The following POTEC variants were observed in gnomAD, a reference collection of about 807,000 sequenced individuals.
POTEC encodes POTE ankyrin domain family member C.
A neutral mutation model predicts 62.0 loss-of-function variants in POTEC; 35 were observed. The observed-to-expected ratio is 0.56, with a 90% CI of 0.43 to 0.75. POTEC has a LOEUF of 0.75. Among genes scored for constraint, POTEC ranks in the 30% least tolerant of loss-of-function variants. The pLI is 0.00. For synonymous variants in POTEC, 156 were observed against 221.5 expected (o/e 0.70, Z 2.62); for missense variants, 472 against 655.9 (o/e 0.72, Z 3.06).
Position 14,509,236 on chromosome 18 carries a change from T to C in POTEC, c.*2662A>G, listed in dbSNP as rs1262757178. ...GCCACGGGCCCCTGCTGACTGTGTG[T>C]GCTGTTGCACTGGAGGTAGTGCTGG... On this transcript the variant is annotated 3_prime_UTR_variant, in exon 11 of 11. Coordinates refer to ENST00000358970, the MANE Select transcript of POTEC (RefSeq NM_001137671.2). 6.6e-6 allele frequency: 1 copy of C among 152,314 alleles called. No homozygotes were observed. The highest frequency in any genetic ancestry group is 6.5e-5 in the Admixed American group (1 of 15,290). 9.4% of individuals were successfully genotyped at this position (152,314 alleles called of 1,614,324 possible).
chr18:14,542,740 C>T lies in POTEC; in HGVS notation c.407G>A (p.Arg136His), dbSNP rs780758487. The change falls in exon 1 of 11, where the codon CGT (arginine) becomes CAT (histidine). Residue 136 changes from arginine to histidine, a missense_variant. Arg to His is a conservative substitution (Grantham distance 29). This residue lies in a region of POTEC where 257 missense variants were observed against 250.7 expected (regional missense o/e 1.03). Transcript: ENST00000358970. ...GTGGAGCTTGTCCAGATCTTCTCGA[C>T]GGACGTGGTACCTCGGCTCCATGAA... ...SAFMEPRYHV[R>H]REDLDKLHRA... 21 of 1,613,424 alleles carry T rather than the reference C, an allele frequency of 1.3e-5. No homozygotes were observed. The Admixed American group carries it at 2.8e-4, about 22-fold the overall frequency.
At chr18:14,529,822 CTTG>C (rs1905440488) in intron 6 of POTEC, among the ~76,000 whole-genome samples, 1 of 151,970 alleles carries the variant, frequency 6.6e-6, no homozygotes, top group Non-Finnish European at 1.5e-5. Context: ...AGAGTGAGAC[CTTG>C]TTGGGACAAG....
At position 14,509,124 on chromosome 18, in the gene POTEC, G is replaced by T. The variant is rs942419699; in HGVS notation, c.*2774C>A. Reference sequence around the variant, plus strand: ...GCACTGAGGGGACCAAAGTGCAGCAGCTGTGGCAGAATGCTAGCAGATGCA... The same window carrying T: ...GCACTGAGGGGACCAAAGTGCAGCATCTGTGGCAGAATGCTAGCAGATGCA... On this transcript the variant is annotated 3_prime_UTR_variant, in exon 11 of 11. Coordinates refer to ENST00000358970, the MANE Select transcript of POTEC (RefSeq NM_001137671.2). The T allele has an allele frequency of 7.9e-5, 12 of 152,406 alleles. No individual in the cohort carries two copies. Among genetic ancestry groups the T allele is most frequent in the African/African-American group, 2.6e-4 (11 of 41,594 alleles). The allele number at this position is 152,406 out of a possible 1,614,324, so 9.4% of individuals were successfully genotyped here.
Position 14,530,530 on chromosome 18 carries a change from T to A in POTEC, c.1079A>T (p.Tyr360Phe). The change falls in exon 6 of 11, where the codon TAT becomes TTT. Residue 360 changes from tyrosine (Y) to phenylalanine (F), a missense_variant. By Grantham distance (22) the Tyr-to-Phe change is conservative. Coordinates refer to ENST00000358970, the MANE Select transcript of POTEC (RefSeq NM_001137671.2). ...HHVICELLSD[Y>F]KEKQMLKISS... ...GATTTTTAGCATCTGTTTTTCTTTA[T>A]AGTCAGAAAGTAATTCACAAATTCT... The A allele has an allele frequency of 6.3e-7, 1 of 1,594,714 alleles. No homozygotes were observed. The highest frequency in any genetic ancestry group is 1.3e-5 in the African/African-American group (1 of 74,442).
At chr18:14,540,500 T>C (rs972277757) in intron 1 of POTEC, among the ~76,000 whole-genome samples, 1 of 152,114 alleles carries the variant, frequency 6.6e-6, no homozygotes, top group African/African-American at 2.4e-5. Context: ...ACAAACTGAT[T>C]TTTTCTCACT....
chr18:14,537,221 A>AAAC (rs1567915586), intron 3 of POTEC, among the ~76,000 whole-genome samples: 24 of 137,484 alleles, frequency 1.7e-4, no homozygotes, highest in Admixed American at 6.8e-4. Flanking sequence ...AAAAAAAAAA[A>AAAC]AAAACAAAAA....
chr18:14,537,192 C>CACACACAT (rs1905749732), intron 3 of POTEC, among the ~76,000 whole-genome samples: 2 of 80,540 alleles, frequency 2.5e-5, no homozygotes, highest in Admixed American at 1.2e-4. Flanking sequence ...CACACACACA[C>CACACACAT]ACACACACAC....
At chr18:14,540,502 T>C (rs1328092622) in intron 1 of POTEC, among the ~76,000 whole-genome samples, 2 of 152,178 alleles carry the variant, frequency 1.3e-5, no homozygotes, top group Non-Finnish European at 2.9e-5. Context: ...AAACTGATTT[T>C]TTCTCACTTG....
intron 9 of POTEC, among the ~76,000 whole-genome samples, chr18:14,519,261 G>C (rs1396312029): frequency 6.6e-6 from 1 of 152,138 alleles, no homozygotes. Flanking sequence ...CTTTCAGGAA[G>C]GACATCAGTA....
At position 14,507,784 on chromosome 18, in the gene POTEC, T is replaced by A. The variant is rs1309890288; in HGVS notation, c.*4114A>T. On this transcript the variant is annotated 3_prime_UTR_variant, in exon 11 of 11. Transcript: ENST00000358970. ...GTAAGGTAGGTCTGGTGATAACGAATTCCCTCAGCATTTGCTTGTCTGAAA... is the reference window on the plus strand; with the variant it reads ...GTAAGGTAGGTCTGGTGATAACGAAATCCCTCAGCATTTGCTTGTCTGAAA... 1 of 152,206 alleles carries A rather than the reference T, an allele frequency of 6.6e-6. No homozygotes were observed. The highest frequency in any genetic ancestry group is 2.4e-5 in the African/African-American group (1 of 41,452). 9.4% of individuals were successfully genotyped at this position (152,206 alleles called of 1,614,324 possible). A position where few individuals can be genotyped will look rare whatever the true frequency, so the allele number is the denominator to read the frequency against.
intron 1 of POTEC, among the ~76,000 whole-genome samples, chr18:14,540,279 T>C (rs1905887862): frequency 1.3e-5 from 2 of 152,198 alleles, no homozygotes; most frequent in African/African-American, 4.8e-5. Context: ...AGAAATTATT[T>C]GTATCTATGC....
chr18:14,534,398 A>G (rs1905636752), intron 4 of POTEC, among the ~76,000 whole-genome samples: 1 of 152,132 alleles, frequency 6.6e-6, no homozygotes, highest in African/African-American at 2.4e-5. Flanking sequence ...GGGAATAGCA[A>G]TTAATTGTCA....
chr18:14,512,743 C>T (rs536006232), intron 10 of POTEC, among the ~76,000 whole-genome samples: 7 of 151,598 alleles, frequency 4.6e-5, no homozygotes, highest in Non-Finnish European at 1.0e-4. Flanking sequence ...TGCACTCCAG[C>T]GTGGGTGACA....
chr18:14,535,961 C>G (rs1200595544), intron 3 of POTEC, among the ~76,000 whole-genome samples: 1 of 151,810 alleles, frequency 6.6e-6, no homozygotes, highest in Admixed American at 6.6e-5. Flanking sequence ...TTTTAATGTC[C>G]CAACGACAGA....
intron 4 of POTEC, among the ~76,000 whole-genome samples, chr18:14,533,875 CTTT>C (rs564503459): frequency 7.1e-6 from 1 of 141,298 alleles, no homozygotes; most frequent in Admixed American, 7.1e-5. Flanking sequence ...TTTTCTCTCT[CTTT>C]TTTTTTTTTC....
chr18:14,541,701 T>C (rs1598482925), intron 1 of POTEC, among the ~76,000 whole-genome samples: 1 of 152,120 alleles, frequency 6.6e-6, no homozygotes, highest in East Asian at 1.9e-4. Context: ...GGTACTTTTC[T>C]CCTTTTGTAT....
At chr18:14,541,698 T>C (rs1414744515) in intron 1 of POTEC, among the ~76,000 whole-genome samples, 1 of 152,106 alleles carries the variant, frequency 6.6e-6, no homozygotes, top group Non-Finnish European at 1.5e-5. Context: ...TCTGGTACTT[T>C]TCTCCTTTTG....
chr18:14,535,446 C>T (rs1905680713), intron 3 of POTEC, among the ~76,000 whole-genome samples: 1 of 151,950 alleles, frequency 6.6e-6, no homozygotes, highest in South Asian at 2.1e-4. Context: ...GTTCAAGCTC[C>T]AACGTGCAAT....
In POTEC at chr18:14,511,945, T is replaced by G. The variant is rs71362458; in HGVS notation, c.1582A>C (p.Met528Leu). 1 of 1,613,860 alleles carries G rather than the reference T, an allele frequency of 6.2e-7. No homozygotes were observed. The highest frequency in any genetic ancestry group is 1.3e-5 in the African/African-American group (1 of 75,020). Reference sequence around the variant, plus strand: ...AGCATGGCAATTTCTTCCTGCAACATGCTGTTTTCACGCAAGAGATCTTCT... The same window carrying G: ...AGCATGGCAATTTCTTCCTGCAACAGGCTGTTTTCACGCAAGAGATCTTCT... ...KEEDLLRENSMLQEEIAMLIS... is the reference protein window; with the variant it reads ...KEEDLLRENSLLQEEIAMLIS... Residue 528 changes from methionine to leucine, a missense_variant, in exon 11 of 11, where the codon ATG (methionine) becomes CTG (leucine). Physicochemically the swap from Met to Leu is conservative, Grantham distance 15 (BLOSUM62 2). Transcript: ENST00000358970.
Sources: gnomAD v4.1 joint callset for allele counts (sites outside exome capture counted in the v4.1 genomes callset) on GRCh38, gnomAD v4.1.1 for gene constraint, gnomAD v4.1.1 regional missense constraint, MANE v1.5 for transcripts, NCBI Gene and HGNC (gene_info 2026-07-23, HGNC 2026-07-21) for gene names.